The following ROBO2 variants were observed in gnomAD, a reference collection of about 807,000 sequenced individuals.
The protein encoded by ROBO2 is roundabout guidance receptor 2.
Under a neutral mutation model 160.8 loss-of-function variants are expected in ROBO2, and 53 were observed. The ratio of observed to expected loss-of-function variants is 0.33; its 90% confidence interval spans 0.26 to 0.41. The LOEUF (loss-of-function observed/expected upper bound fraction) is 0.41, where lower values mean the gene tolerates loss of function less well. Among genes scored for constraint, ROBO2 ranks in the 10% least tolerant of loss-of-function variants. ROBO2 has a pLI of 1.00. For missense variants in ROBO2, 1,577 were observed against 1,722.4 expected (o/e 0.92, Z 1.49); for synonymous variants, 664 against 611.7 (o/e 1.09, Z -1.26).
chr3:76,586,183 C>T (rs963989635), intron 2 of ROBO2, among the ~76,000 whole-genome samples: 3 of 152,184 alleles, frequency 2.0e-5, no homozygotes, highest in Non-Finnish European at 4.4e-5. Flanking sequence ...TAACCCTCTT[C>T]TGCAAAAGTG....
intron 2 of ROBO2, among the ~76,000 whole-genome samples, chr3:75,973,795 T>C (rs2065058962): frequency 6.6e-6 from 1 of 151,574 alleles, no homozygotes; most frequent in Admixed American, 6.6e-5. Flanking sequence ...ATGGAGTGGC[T>C]TCCGAGTCAT....
chr3:75,958,204 G>T (rs1450278459), intron 2 of ROBO2, among the ~76,000 whole-genome samples: 3 of 151,696 alleles, frequency 2.0e-5, no homozygotes, highest in Non-Finnish European at 2.9e-5. Context: ...TTGTTAATAT[G>T]TGATTAACTG....
At chr3:76,677,696 T>C (rs1340698847) in intron 2 of ROBO2, among the ~76,000 whole-genome samples, 1 of 152,110 alleles carries the variant, frequency 6.6e-6, no homozygotes, top group Non-Finnish European at 1.5e-5. Context: ...TTCTATACAG[T>C]ACTTTTATAC....
At chr3:77,147,875 A>T (rs1414232747) in intron 2 of ROBO2, among the ~76,000 whole-genome samples, 3 of 152,146 alleles carry the variant, frequency 2.0e-5, no homozygotes, top group African/African-American at 7.2e-5. Context: ...ACTCCCTCCC[A>T]CACACACATC....
chr3:77,418,106 T>C (rs2077407438), intron 2 of ROBO2, among the ~76,000 whole-genome samples: 1 of 152,174 alleles, frequency 6.6e-6, no homozygotes, highest in Non-Finnish European at 1.5e-5. Context: ...CTTTCAGCAA[T>C]GTTAGTAGCC....
chr3:76,544,491 C>CT (rs1187602453), intron 2 of ROBO2, among the ~76,000 whole-genome samples: 2 of 151,912 alleles, frequency 1.3e-5, no homozygotes, highest in Non-Finnish European at 2.9e-5. Flanking sequence ...CCAGCCATTT[C>CT]TTTTTTTGGC....
chr3:76,458,294 A>G (rs2077889230), intron 2 of ROBO2, among the ~76,000 whole-genome samples: 1 of 152,084 alleles, frequency 6.6e-6, no homozygotes, highest in Non-Finnish European at 1.5e-5. Flanking sequence ...CTCAAGTTCC[A>G]AGTCCCACAA....
At chr3:76,440,761 A>G (rs2076889066) in intron 2 of ROBO2, among the ~76,000 whole-genome samples, 1 of 152,104 alleles carries the variant, frequency 6.6e-6, no homozygotes, top group South Asian at 2.1e-4. Flanking sequence ...CCTCCATACC[A>G]GAACTACATG....
At chr3:77,429,360 T>G (rs2078538085) in intron 2 of ROBO2, among the ~76,000 whole-genome samples, 1 of 152,164 alleles carries the variant, frequency 6.6e-6, no homozygotes, top group Non-Finnish European at 1.5e-5. Flanking sequence ...TAGCCCCCAC[T>G]GGTACCCAAC....
At chr3:76,869,503 C>A (rs1351258322) in intron 2 of ROBO2, among the ~76,000 whole-genome samples, 1 of 151,838 alleles carries the variant, frequency 6.6e-6, no homozygotes, top group Non-Finnish European at 1.5e-5. Context: ...GCTCCCGACA[C>A]CACGCCTCGT....
chr3:77,193,888 T>C (rs921921245), intron 2 of ROBO2, among the ~76,000 whole-genome samples: 1 of 152,178 alleles, frequency 6.6e-6, no homozygotes, highest in African/African-American at 2.4e-5. Flanking sequence ...ATACTAAGTA[T>C]AGTGCTACTA....
chr3:77,466,640 G>A (rs764024713), intron 2 of ROBO2, among the ~76,000 whole-genome samples: 4 of 152,152 alleles, frequency 2.6e-5, no homozygotes, highest in Non-Finnish European at 5.9e-5. Context: ...TGAGTTTCGG[G>A]TAGAGGGGAA....
chr3:77,472,311 C>CATGAT (rs2083441572), intron 2 of ROBO2, among the ~76,000 whole-genome samples: 1 of 152,144 alleles, frequency 6.6e-6, no homozygotes, highest in South Asian at 2.1e-4. Flanking sequence ...GGGTCTATCA[C>CATGAT]AGGCACTGTC....
chr3:75,960,337 T>A (rs1162306810), intron 2 of ROBO2, among the ~76,000 whole-genome samples: 1 of 151,752 alleles, frequency 6.6e-6, no homozygotes, highest in Non-Finnish European at 1.5e-5. Flanking sequence ...TTAACTATAA[T>A]CTTGTGACAG....
At chr3:77,173,473 T>G (rs7643662) in intron 2 of ROBO2, among the ~76,000 whole-genome samples, 1 of 151,754 alleles carries the variant, frequency 6.6e-6, no homozygotes, top group South Asian at 2.1e-4. Flanking sequence ...TGCCCCTTCA[T>G]GTGTATGATG....
chr3:76,327,403 G>A (rs930612640), intron 2 of ROBO2, among the ~76,000 whole-genome samples: 1 of 151,824 alleles, frequency 6.6e-6, no homozygotes, highest in Non-Finnish European at 1.5e-5. Flanking sequence ...GTAAATTTTT[G>A]TTATAATTTC....
intron 2 of ROBO2, among the ~76,000 whole-genome samples, chr3:77,472,687 G>T (rs2083477769): frequency 6.6e-6 from 1 of 152,002 alleles, no homozygotes; most frequent in African/African-American, 2.4e-5. Context: ...TTCTATATTA[G>T]AATGTACCTA....
chr3:77,094,999 G>A (rs989611600), intron 1 of ROBO2, among the ~76,000 whole-genome samples: 44 of 151,980 alleles, frequency 2.9e-4, no homozygotes, highest in Non-Finnish European at 5.9e-5. Context: ...ATTCTTTCAA[G>A]CACAAGTATT....
intron 2 of ROBO2, among the ~76,000 whole-genome samples, chr3:77,337,638 A>G (rs982106776): frequency 1.3e-5 from 2 of 152,190 alleles, no homozygotes; most frequent in Non-Finnish European, 2.9e-5. Context: ...CGCAAATTGC[A>G]TATCTTGCTC....
Sources: gnomAD v4.1 joint callset for allele counts (sites outside exome capture counted in the v4.1 genomes callset) on GRCh38, gnomAD v4.1.1 for gene constraint, MANE v1.5 for transcripts, NCBI Gene and HGNC (gene_info 2026-07-23, HGNC 2026-07-21) for gene names.